Variants in DAB1 observed in about 807,000 individuals in gnomAD.
The protein encoded by DAB1 is disabled homolog 1.
Under a neutral mutation model 64.6 loss-of-function variants are expected in DAB1, and 15 were observed. That is an observed-to-expected ratio of 0.23 (90% CI 0.16 to 0.36). DAB1 has a LOEUF of 0.36. Ranked by LOEUF, DAB1 falls within the 10% of genes least tolerant of loss-of-function variation. The pLI, the probability that DAB1 is intolerant of heterozygous loss-of-function variation, is 1.00. For synonymous variants in DAB1, 235 were observed against 251.9 expected (o/e 0.93, Z 0.64); for missense variants, 596 against 706.7 (o/e 0.84, Z 1.78).
chr1:57,411,653 GAC>G (rs1304171399), intron 1 of DAB1, among the ~76,000 whole-genome samples: 1 of 152,198 alleles, frequency 6.6e-6, no homozygotes, highest in Non-Finnish European at 1.5e-5. Context: ...TGAACAAAGT[GAC>G]TAGCGGCTAC....
intron 7 of DAB1, among the ~76,000 whole-genome samples, chr1:57,515,854 G>T (rs528476827): frequency 6.6e-6 from 1 of 152,232 alleles, no homozygotes; most frequent in South Asian, 2.1e-4. Flanking sequence ...TAAAATGATG[G>T]GCTGGGTTTT....
intron 6 of DAB1, among the ~76,000 whole-genome samples, chr1:57,712,644 C>T (rs1341196831): frequency 6.6e-6 from 1 of 152,146 alleles, no homozygotes; most frequent in Non-Finnish European, 1.5e-5. Flanking sequence ...ATATATAGTA[C>T]ATGGGTAATT....
intron 7 of DAB1, among the ~76,000 whole-genome samples, chr1:57,557,974 T>G (rs1177193442): frequency 2.0e-5 from 3 of 152,052 alleles, no homozygotes. Context: ...GAGCTGAAAT[T>G]GTGGAAAAAC....
chr1:57,463,423 T>A (rs1686854018), intron 7 of DAB1, among the ~76,000 whole-genome samples: 1 of 152,212 alleles, frequency 6.6e-6, no homozygotes, highest in Non-Finnish European at 1.5e-5. Flanking sequence ...TCTTATGTTT[T>A]TTATTATGTA....
At chr1:57,432,377 A>G (rs1327768887) in intron 7 of DAB1, among the ~76,000 whole-genome samples, 1 of 151,978 alleles carries the variant, frequency 6.6e-6, no homozygotes, top group African/African-American at 2.4e-5. Context: ...AACCAGCTCC[A>G]GAGTTGGACA....
intron 2 of DAB1, among the ~76,000 whole-genome samples, chr1:57,205,685 T>C (rs1391208529): frequency 1.3e-5 from 2 of 152,170 alleles, no homozygotes; most frequent in Non-Finnish European, 2.9e-5. Flanking sequence ...AAACTGATGC[T>C]CAAAAGAGGC....
chr1:58,217,568 G>A (rs886852856), intron 4 of DAB1, among the ~76,000 whole-genome samples: 2 of 152,096 alleles, frequency 1.3e-5, no homozygotes, highest in Admixed American at 1.3e-4. Flanking sequence ...AGTAATTCTG[G>A]AGGTCCCAGT....
chr1:58,101,248 C>T (rs760468914), intron 5 of DAB1, among the ~76,000 whole-genome samples: 8 of 152,104 alleles, frequency 5.3e-5, no homozygotes, highest in South Asian at 2.1e-4. Flanking sequence ...ACCTAGAAGG[C>T]GGAGCTGGCA....
At chr1:57,022,795 A>G (rs1646662365) in intron 11 of DAB1, among the ~76,000 whole-genome samples, 1 of 152,274 alleles carries the variant, frequency 6.6e-6, no homozygotes, top group African/African-American at 2.4e-5. Flanking sequence ...TAAGGCTCCC[A>G]TGTATGTCAA....
intron 9 of DAB1, among the ~76,000 whole-genome samples, chr1:57,045,239 A>G (rs543522348): frequency 6.6e-6 from 1 of 152,334 alleles, no homozygotes; most frequent in South Asian, 2.1e-4. Flanking sequence ...GTCCTGTTCC[A>G]GTCTAACCCA....
chr1:57,770,673 A>G (rs1649518817), intron 6 of DAB1, among the ~76,000 whole-genome samples: 1 of 152,232 alleles, frequency 6.6e-6, no homozygotes, highest in Non-Finnish European at 1.5e-5. Flanking sequence ...TTTTAATGCC[A>G]TCTAATACAA....
At chr1:58,517,540 C>A (rs1166327136) in intron 2 of DAB1, among the ~76,000 whole-genome samples, 2 of 152,122 alleles carry the variant, frequency 1.3e-5, no homozygotes, top group African/African-American at 4.8e-5. Context: ...CTTGAGAGAT[C>A]CCTCAAGTTA....
At chr1:57,551,311 C>G (rs1473008211) in intron 7 of DAB1, among the ~76,000 whole-genome samples, 1 of 152,090 alleles carries the variant, frequency 6.6e-6, no homozygotes, top group Non-Finnish European at 1.5e-5. Flanking sequence ...TAAGTATTGC[C>G]GAGGACAGGG....
At position 58,157,140 on chromosome 1, in the gene DAB1, C is replaced by A. The variant is rs199697225; in HGVS notation, n.310-6552G>T. Among the ~76,000 whole-genome samples, 7 of 152,286 alleles carry A rather than the reference C, an allele frequency of 4.6e-5. No homozygotes were observed. The East Asian group carries it at 1.4e-3, about 29-fold the overall frequency. Reference sequence around the variant, plus strand: ...TTCCCTTTCCTCCCATTTCCCTCAACCCCTGTGAAGGAAAAAGCCCCCTCT... The same window carrying A: ...TTCCCTTTCCTCCCATTTCCCTCAAACCCTGTGAAGGAAAAAGCCCCCTCT... On this transcript the variant is annotated intron_variant and non_coding_transcript_variant, in intron 4 of 20. Coordinates refer to the DAB1 transcript ENST00000485760.
At chr1:57,723,933 C>A (rs1374061316) in intron 6 of DAB1, among the ~76,000 whole-genome samples, 1 of 152,136 alleles carries the variant, frequency 6.6e-6, no homozygotes, top group Non-Finnish European at 1.5e-5. Flanking sequence ...AGAAAAAAAC[C>A]TGTAACTATT....
intron 7 of DAB1, among the ~76,000 whole-genome samples, chr1:57,640,471 TGAGGAGGG>T (rs1558566825): frequency 2.0e-5 from 3 of 152,086 alleles, no homozygotes; most frequent in African/African-American, 7.2e-5. Flanking sequence ...GCTAAATGAA[TGAGGAGGG>T]TGACACAAGA....
At chr1:57,369,894 C>A (rs1431724352) in intron 1 of DAB1, among the ~76,000 whole-genome samples, 1 of 152,216 alleles carries the variant, frequency 6.6e-6, no homozygotes, top group Non-Finnish European at 1.5e-5. Context: ...AGTGACTGAA[C>A]CAAGATCATC....
rs989212984 is a variant in DAB1 at position 57,121,233 on chromosome 1, AGAAGAG to A, written c.306+15304_306+15309del. 1.0e-3 allele frequency among the ~76,000 whole-genome samples: 153 copies of A among 151,864 alleles called. 3 individuals are homozygous for A. The South Asian group carries it at 0.031, about 31-fold the overall frequency. On this transcript the variant is annotated intron_variant, in intron 4 of 14. Transcript: ENST00000371236. ...AAGGAGAAGGAGGGGAAGGGGAAGA[AGAAGAG>A]GAAGAGGAAGAGGAGGAAGCATACT...
intron 3 of DAB1, among the ~76,000 whole-genome samples, chr1:58,379,066 T>C (rs1476434185): frequency 6.6e-6 from 1 of 151,408 alleles, no homozygotes; most frequent in African/African-American, 2.4e-5. Context: ...CCCACTGGCC[T>C]GCGCCCACTG....
Sources: gnomAD v4.1 joint callset for allele counts (sites outside exome capture counted in the v4.1 genomes callset) on GRCh38, gnomAD v4.1.1 for gene constraint, MANE v1.5 for transcripts, NCBI Gene and HGNC (gene_info 2026-07-23, HGNC 2026-07-21) for gene names.